TMEM255B: variants seen among roughly 807,000 people sequenced by gnomAD.
TMEM255B encodes the protein family with sequence similarity 70, member B.
Under a neutral mutation model 34.5 loss-of-function variants are expected in TMEM255B, and 35 were observed. That is an observed-to-expected ratio of 1.01 (90% CI 0.77 to 1.34). TMEM255B has a LOEUF of 1.34. Ranked by LOEUF, TMEM255B falls within the 40% of genes most tolerant of loss-of-function variation. The probability of loss-of-function intolerance (pLI) is 0.00; values close to 1 mark genes in which losing one functional copy is unlikely to be tolerated. For missense variants in TMEM255B, 432 were observed against 433.2 expected, an observed-to-expected ratio of 1.00 and a Z score of 0.02; for synonymous variants, 206 against 201.2, an observed-to-expected ratio of 1.02 and a Z score of -0.20.
chr13:113,782,342 GTTTAA>G lies in TMEM255B; in HGVS notation c.253-12799_253-12795del, dbSNP rs574523602. On this transcript the variant is annotated intron_variant, in intron 3 of 8. Coordinates refer to ENST00000375353, the MANE Select transcript of TMEM255B (RefSeq NM_182614.4). ...AAACCTAAATAATGAAATAGCTGTAGTTTAATTTAATATAACTTTAGATTCCAAAT... is the reference window on the plus strand; with the variant it reads ...AAACCTAAATAATGAAATAGCTGTAGTTTAATATAACTTTAGATTCCAAAT... Among the ~76,000 whole-genome samples, 33 of 152,272 alleles carry G rather than the reference GTTTAA, an allele frequency of 2.2e-4. 1 individual carries two copies. The South Asian group carries it at 2.7e-3, about 12-fold the overall frequency.
At chr13:113,772,435 C>G (rs1163479509) in intron 3 of TMEM255B, among the ~76,000 whole-genome samples, 1 of 152,188 alleles carries the variant, frequency 6.6e-6, no homozygotes, top group African/African-American at 2.4e-5. Flanking sequence ...AGATTTACCC[C>G]TAGATTTTTC....
At position 113,813,080 on chromosome 13, in the gene TMEM255B, G is replaced by A. The variant is rs996586428; in HGVS notation, c.*1177G>A. 2.0e-5 allele frequency: 3 copies of A among 149,312 alleles called. No individual in the cohort carries two copies. The highest frequency in any genetic ancestry group is 6.7e-5 in the Admixed American group (1 of 14,976). The allele number at this position is 149,312 out of a possible 1,614,324, so 9.2% of individuals were successfully genotyped here. ...CAGGATGCGCCACCCCAAAGTAGCC[G>A]AAGTCTCTTGAAAAGTGTTGGATGT... On this transcript the variant is annotated 3_prime_UTR_variant, in exon 9 of 9. Transcript: ENST00000375353.
At chr13:113,763,679 T>A (rs1271746043) in intron 1 of TMEM255B, among the ~76,000 whole-genome samples, 1 of 152,264 alleles carries the variant, frequency 6.6e-6, no homozygotes, top group Admixed American at 6.5e-5. Flanking sequence ...TTATTTTCCC[T>A]TTTGCATTTT....
In TMEM255B at chr13:113,804,935, C is replaced by G. The variant is rs142961002; in HGVS notation, c.720C>G (p.Leu240=). ...GCCCAGCCGTCCCACCACAGACCCT[C>G]TACAACCCCGCCCAGCAGATCCTGG... ...AYGPAVPPQT[L]YNPAQQILAY... is the part of the protein sequence containing the mutation. Residue 240 remains leucine, a synonymous_variant, in exon 8 of 9, where the codon CTC becomes CTG. Coordinates refer to ENST00000375353, the MANE Select transcript of TMEM255B (RefSeq NM_182614.4). The G allele has an allele frequency of 1.9e-6, 3 of 1,605,700 alleles. No individual in the cohort carries two copies. Among genetic ancestry groups the G allele is most frequent in the Non-Finnish European group, 2.5e-6 (3 of 1,179,754 alleles).
At chr13:113,783,594 G>C (rs906994603) in intron 3 of TMEM255B, among the ~76,000 whole-genome samples, 2 of 152,162 alleles carry the variant, frequency 1.3e-5, no homozygotes, top group African/African-American at 4.8e-5. Flanking sequence ...AAAATCAGAC[G>C]TGGAGAAAGG....
At chr13:113,775,714 G>A (rs143912982) in intron 3 of TMEM255B, among the ~76,000 whole-genome samples, 5 of 152,244 alleles carry the variant, frequency 3.3e-5, no homozygotes, top group Non-Finnish European at 7.3e-5. Flanking sequence ...GGGCACAGGC[G>A]GCCACACTCG....
intron 2 of TMEM255B, chr13:113,768,859 A>C: frequency 5.1e-6 from 3 of 593,732 alleles, no homozygotes; most frequent in East Asian, 3.8e-5. Flanking sequence ...CAAGCCAAAC[A>C]GATGCATCAT....
chr13:113,803,892 C>T (rs1184503083), intron 7 of TMEM255B, among the ~76,000 whole-genome samples: 1 of 152,272 alleles, frequency 6.6e-6, no homozygotes, highest in Non-Finnish European at 1.5e-5. Flanking sequence ...GGGTCATCAC[C>T]CTGTCCCGGG....
Position 113,813,011 on chromosome 13 carries a change from TCAC to T in TMEM255B, c.*1109_*1111del, listed in dbSNP as rs1352151933. ...GGGTGGGTCACGGGTCCCGAGTGGG[TCAC>T]GGGTCCCGGGTGGGTCACAGGCGCC... On this transcript the variant is annotated 3_prime_UTR_variant, in exon 9 of 9. Coordinates refer to ENST00000375353, the MANE Select transcript of TMEM255B (RefSeq NM_182614.4). 367 of 117,118 alleles carry T rather than the reference TCAC, an allele frequency of 3.1e-3. 11 individuals are homozygous for T. Among genetic ancestry groups the T allele is most frequent in the Non-Finnish European group, 4.0e-3 (243 of 60,980 alleles). The allele number at this position is 117,118 out of a possible 1,614,324, so 7.3% of individuals were successfully genotyped here.
At chr13:113,783,064 T>A (rs939260587) in intron 3 of TMEM255B, among the ~76,000 whole-genome samples, 1 of 152,170 alleles carries the variant, frequency 6.6e-6, no homozygotes, top group Non-Finnish European at 1.5e-5. Flanking sequence ...TTTCTGGATA[T>A]CTTGGTGGAT....
chr13:113,766,489 T>A (rs1428509592), intron 2 of TMEM255B: 1 of 659,880 alleles, frequency 1.5e-6, no homozygotes, highest in Non-Finnish European at 2.7e-6. Flanking sequence ...TCCAAGTTGA[T>A]CTCAAAATAG....
chr13:113,796,403 T>TCACACACCACACAGAG (rs200854685), intron 4 of TMEM255B, among the ~76,000 whole-genome samples: 4 of 87,164 alleles, frequency 4.6e-5, no homozygotes, highest in African/African-American at 1.9e-4. Flanking sequence ...AGCACACACC[T>TCACACACCACACAGAG]CACACACCAC....
intron 3 of TMEM255B, among the ~76,000 whole-genome samples, chr13:113,771,924 C>G (rs1334606022): frequency 6.6e-6 from 1 of 152,142 alleles, no homozygotes; most frequent in Non-Finnish European, 1.5e-5. Flanking sequence ...GAGGAACTGC[C>G]AGACTGTTTT....
chr13:113,795,555 A>G (rs1260549626), intron 4 of TMEM255B, among the ~76,000 whole-genome samples: 1 of 148,374 alleles, frequency 6.7e-6, no homozygotes, highest in Non-Finnish European at 1.5e-5. Flanking sequence ...ACAACACAGC[A>G]CACACCACAC....
intron 2 of TMEM255B, chr13:113,766,496 A>C: frequency 1.6e-6 from 1 of 631,702 alleles, no homozygotes; most frequent in Admixed American, 2.3e-5. Flanking sequence ...TGATCTCAAA[A>C]TAGGGCCAGG....
At chr13:113,800,741 A>G in intron 5 of TMEM255B, 86 bp from the exon 6 acceptor site, 8 of 1,327,282 alleles carry the variant, frequency 6.0e-6, no homozygotes, top group South Asian at 3.9e-5. Flanking sequence ...GGCCGCTCCC[A>G]GCTCCCATGA....
At chr13:113,776,848 G>C (rs906257177) in intron 3 of TMEM255B, among the ~76,000 whole-genome samples, 1 of 152,116 alleles carries the variant, frequency 6.6e-6, no homozygotes, top group Non-Finnish European at 1.5e-5. Flanking sequence ...GCTCCTCCTC[G>C]TTCTGCAGCA....
In TMEM255B at chr13:113,813,943, G is replaced by C. The variant is rs570401829; in HGVS notation, c.*2040G>C. The C allele has an allele frequency of 3.9e-5, 6 of 152,168 alleles. No individual in the cohort carries two copies. Among genetic ancestry groups the C allele is most frequent in the Non-Finnish European group, 7.3e-5 (5 of 68,040 alleles). The allele number at this position is 152,168 out of a possible 1,614,324, so 9.4% of individuals were successfully genotyped here. On this transcript the variant is annotated 3_prime_UTR_variant, in exon 9 of 9. Transcript: ENST00000375353. ...TCCAGGGCTGTGGGTGCCTGGCTCC[G>C]AGTAAGAAGCTGAACAAGCAGCAGA...
At chr13:113,790,822 A>G (rs2050821174) in intron 3 of TMEM255B, among the ~76,000 whole-genome samples, 1 of 115,396 alleles carries the variant, frequency 8.7e-6, no homozygotes, top group Non-Finnish European at 2.0e-5. Flanking sequence ...GACTGGACAC[A>G]TGGATATCCT....
Sources: allele counts gnomAD v4.1 joint callset (sites outside exome capture counted in the v4.1 genomes callset), GRCh38; gene constraint gnomAD v4.1.1; transcripts MANE v1.5; gene names NCBI Gene and HGNC (gene_info 2026-07-23, HGNC 2026-07-21).